Variants in ADCY3 observed in about 807,000 individuals in gnomAD.
ADCY3 encodes adenylate cyclase type 3.
Under a neutral mutation model 119.4 loss-of-function variants are expected in ADCY3, and 70 were observed. The ratio of observed to expected loss-of-function variants is 0.59; its 90% CI spans 0.48 to 0.72. The LOEUF is 0.72. Ranked by LOEUF, ADCY3 falls within the 30% of genes least tolerant of loss-of-function variation. ADCY3 has a pLI of 0.00. For synonymous variants in ADCY3, 672 were observed against 621.4 expected, an observed-to-expected ratio of 1.08 and a Z score of -1.21; for missense variants, 1,238 against 1,541.6, an observed-to-expected ratio of 0.80 and a Z score of 3.30.
chr2:24,849,812 C>G (rs1305380861), intron 3 of ADCY3, among the ~76,000 whole-genome samples: 2 of 152,180 alleles, frequency 1.3e-5, no homozygotes, highest in Non-Finnish European at 2.9e-5. Context: ...CCTGCCACCC[C>G]CCAAGCCTCA....
At chr2:24,915,918 C>G (rs576448165) in intron 2 of ADCY3, among the ~76,000 whole-genome samples, 2 of 152,244 alleles carry the variant, frequency 1.3e-5, no homozygotes, top group East Asian at 3.9e-4. Flanking sequence ...GCCTGGGAAC[C>G]CAGGCACCTT....
At position 24,857,697 on chromosome 2, in the gene ADCY3, G is replaced by A. The variant is rs141715411; in HGVS notation, c.825+14873C>T. Among the ~76,000 whole-genome samples the A allele has an allele frequency of 2.0e-5, 3 of 152,278 alleles. No individual in the cohort carries two copies. In the East Asian group the frequency reaches 5.8e-4, roughly 29 times the overall value. On this transcript the variant is annotated intron_variant, in intron 3 of 21. Coordinates refer to ENST00000679454, the MANE Select transcript of ADCY3 (RefSeq NM_004036.5). The stretch of plus-strand genomic sequence containing the variant: ...GCCCTGTGTTGAGAAGGATGCGGAG[G>A]GTTCGTATCTGTGACTGGCGGAAAG...
At position 24,824,391 on chromosome 2, in the gene ADCY3, T is replaced by G. The variant is rs1668298380; in HGVS notation, c.2723A>C (p.Lys908Thr). The G allele has an allele frequency of 5.6e-6, 9 of 1,614,086 alleles. No homozygotes were observed. In the Admixed American group the frequency reaches 6.7e-5, roughly 12 times the overall value. ...EHVARHFLGS[K>T]KRDEELYSQT... ...CACACCCCTCACCTCATCTCTCTTC[T>G]TGGACCCCAGGAAATGGCGTGCCAC... is the stretch of plus-strand genomic sequence containing the variant. Residue 908 changes from lysine to threonine, a missense_variant, in exon 17 of 22, where the codon AAG (lysine) becomes ACG (threonine). Physicochemically the swap from Lys to Thr is moderately conservative, Grantham distance 78. This residue lies in a region of ADCY3 where 499 missense variants were observed against 571.0 expected (regional missense o/e 0.87). Coordinates refer to ENST00000679454, the MANE Select transcript of ADCY3 (RefSeq NM_004036.5).
chr2:24,868,159 A>G (rs1352028192), intron 3 of ADCY3, among the ~76,000 whole-genome samples: 1 of 152,214 alleles, frequency 6.6e-6, no homozygotes, highest in Non-Finnish European at 1.5e-5. Flanking sequence ...AAAAAACAAC[A>G]TAATTGTAAA....
intron 18 of ADCY3, 95 bp from the exon 19 acceptor site, chr2:24,822,725 A>T: frequency 3.4e-6 from 5 of 1,491,140 alleles, no homozygotes; most frequent in Non-Finnish European, 4.6e-6. Flanking sequence ...GACCCCACTA[A>T]ACCCAAGAGA....
chr2:24,910,937 G>A (rs897932158), intron 2 of ADCY3, among the ~76,000 whole-genome samples: 3 of 152,028 alleles, frequency 2.0e-5, no homozygotes. Context: ...GAGCCACCGC[G>A]CCTGGCCTTA....
Position 24,841,826 on chromosome 2 carries a change from A to G in ADCY3, c.957-159T>C, listed in dbSNP as rs935261395. ...CAGTGAGACCCTGACCCTTCCAGGTAAAGTCAGGGCTCTGACCTTGCACTT... is the reference window on the plus strand; with the variant it reads ...CAGTGAGACCCTGACCCTTCCAGGTGAAGTCAGGGCTCTGACCTTGCACTT... On this transcript the variant is annotated intron_variant, in intron 4 of 21. Coordinates refer to ENST00000679454, the MANE Select transcript of ADCY3 (RefSeq NM_004036.5). The surrounding 1 kb of genome is among the most constrained non-coding windows in gnomAD (Gnocchi z 5.8). Among the ~76,000 whole-genome samples the G allele has an allele frequency of 6.6e-6, 1 of 152,072 alleles. No homozygotes were observed. The highest frequency in any genetic ancestry group is 2.4e-5 in the African/African-American group (1 of 41,422).
intron 2 of ADCY3, among the ~76,000 whole-genome samples, chr2:24,912,605 A>ATG (rs72493229): frequency 0.018 from 690 of 38,874 alleles, 15 homozygotes; most frequent in African/African-American, 0.026. Context: ...GTGTGTGTGC[A>ATG]TGTGTGTGTG....
Position 24,841,436 on chromosome 2 carries a change from G to A in ADCY3, c.1069-50C>T, listed in dbSNP as rs551108183. ...GCTCCAGCCCCTCCTCAGTGAGGGA[G>A]GAGTGGCCAAGAAAGCAGAGGAAGG... On this transcript the variant is annotated intron_variant, in intron 5 of 21. Coordinates refer to ENST00000679454, the MANE Select transcript of ADCY3 (RefSeq NM_004036.5). This position sits in a 1 kb window ranked among gnomAD's most constrained non-coding sequence, Gnocchi z 5.8. 3.7e-6 allele frequency: 6 copies of A among 1,603,078 alleles called. No individual in the cohort carries two copies. The highest frequency in any genetic ancestry group is 1.7e-4 in the Middle Eastern group (1 of 5,972).
At chr2:24,828,658 C>A (rs1225505803) in intron 13 of ADCY3, among the ~76,000 whole-genome samples, 1 of 152,242 alleles carries the variant, frequency 6.6e-6, no homozygotes, top group Non-Finnish European at 1.5e-5. Flanking sequence ...TGCTACTGGG[C>A]AGATGCGGCC....
intron 2 of ADCY3, among the ~76,000 whole-genome samples, chr2:24,903,922 A>G (rs988800464): frequency 6.6e-6 from 1 of 152,214 alleles, no homozygotes; most frequent in Non-Finnish European, 1.5e-5. Flanking sequence ...GGTTCTCCAT[A>G]TGAAAGGAAC....
At chr2:24,901,016 G>C (rs1678837831) in intron 2 of ADCY3, among the ~76,000 whole-genome samples, 1 of 152,164 alleles carries the variant, frequency 6.6e-6, no homozygotes, top group African/African-American at 2.4e-5. Flanking sequence ...AGTGAGCCGA[G>C]ATCATGCCAT....
Position 24,841,529 on chromosome 2 carries a change from G to C in ADCY3, c.1068+27C>G. ...GAGGCCATGAGGGCAGGCCCCGCTG[G>C]AGAGCCAGGCGGGGCCAGGGACTTA... On this transcript the variant is annotated intron_variant, in intron 5 of 21. Coordinates refer to ENST00000679454, the MANE Select transcript of ADCY3 (RefSeq NM_004036.5). This position sits in a 1 kb window ranked among gnomAD's most constrained non-coding sequence, Gnocchi z 5.8. 6.2e-7 allele frequency: 1 copy of C among 1,606,562 alleles called. No homozygotes were observed. Among genetic ancestry groups the C allele is most frequent in the Non-Finnish European group, 8.5e-7 (1 of 1,176,216 alleles).
intron 12 of ADCY3, among the ~76,000 whole-genome samples, chr2:24,831,060 G>T (rs563118176): frequency 6.6e-6 from 1 of 152,078 alleles, no homozygotes; most frequent in Non-Finnish European, 1.5e-5. Context: ...CCTCCAGGTC[G>T]CAGCCCTTTC....
In ADCY3 at chr2:24,820,017, A is replaced by G. The variant is rs139421449; in HGVS notation, c.3350T>C (p.Phe1117Ser). ...TAGCTTATCCCGCCCCTTCAAGAAGAAGGTCAGCAGCTCCCCCTTCCCCTT... is the reference window on the plus strand; with the variant it reads ...TAGCTTATCCCGCCCCTTCAAGAAGGAGGTCAGCAGCTCCCCCTTCCCCTT... ...FVKGKGELLT[F>S]FLKGRDKLAT... Residue 1117 changes from phenylalanine to serine, a missense_variant, in exon 22 of 22, where the codon TTC (phenylalanine) becomes TCC (serine). Transcript: ENST00000679454. The G allele has an allele frequency of 5.0e-6, 8 of 1,612,234 alleles. No individual in the cohort carries two copies. Among genetic ancestry groups the G allele is most frequent in the African/African-American group, 1.3e-5 (1 of 74,754 alleles).
intron 3 of ADCY3, among the ~76,000 whole-genome samples, chr2:24,853,922 G>A (rs1672700890): frequency 6.6e-6 from 1 of 152,178 alleles, no homozygotes; most frequent in Non-Finnish European, 1.5e-5. Context: ...GCCATTGAAT[G>A]AGGATATACA....
intron 2 of ADCY3, among the ~76,000 whole-genome samples, chr2:24,876,894 G>A (rs1046943763): frequency 4.6e-5 from 7 of 152,144 alleles, no homozygotes; most frequent in Non-Finnish European, 8.8e-5. Flanking sequence ...TTAATTTTCC[G>A]GTGTTCCCAC....
intron 8 of ADCY3, among the ~76,000 whole-genome samples, chr2:24,837,974 C>T (rs1049716372): frequency 6.6e-6 from 1 of 152,014 alleles, no homozygotes; most frequent in Non-Finnish European, 1.5e-5. Context: ...CACCCCTGCT[C>T]TATTACTTCT....
chr2:24,891,281 A>T (rs1306382434), intron 2 of ADCY3, among the ~76,000 whole-genome samples: 2 of 152,228 alleles, frequency 1.3e-5, no homozygotes, highest in African/African-American at 4.8e-5. Context: ...GAAAAATTTA[A>T]GAAATAAATA....
Sources: gnomAD v4.1 joint callset for allele counts (sites outside exome capture counted in the v4.1 genomes callset) on GRCh38, gnomAD v4.1.1 for gene constraint, gnomAD v4.1.1 regional missense constraint, Gnocchi (gnomAD v3.1) non-coding constraint, MANE v1.5 for transcripts, NCBI Gene and HGNC (gene_info 2026-07-23, HGNC 2026-07-21) for gene names.